The following ETV3 variants were observed in gnomAD, a reference collection of about 807,000 sequenced individuals.
ETV3 encodes ETS variant transcription factor 3.
In ETV3, 8 loss-of-function variants were observed where a neutral mutation model predicts 33.0. That is an observed-to-expected ratio of 0.24 (90% CI 0.14 to 0.44). ETV3 has a LOEUF of 0.44. ETV3 is among the 20% of genes least tolerant of loss of function. The probability of loss-of-function intolerance (pLI) is 1.00; values close to 1 mark genes in which losing one functional copy is unlikely to be tolerated. For synonymous variants in ETV3, 222 were observed against 238.9 expected (o/e 0.93, Z 0.65); for missense variants, 473 against 652.3 (o/e 0.73, Z 2.99).
intron 2 of ETV3, 74 bp downstream of exon 2, chr1:157,136,233 G>C (rs1021808965): frequency 3.6e-6 from 5 of 1,396,188 alleles, no homozygotes; most frequent in Non-Finnish European, 5.1e-6. Context: ...TTTGTGAACA[G>C]AGCTCAAGTG....
chr1:157,130,926 G>A (rs1258352033), intron 4 of ETV3, among the ~76,000 whole-genome samples: 1 of 152,182 alleles, frequency 6.6e-6, no homozygotes, highest in Non-Finnish European at 1.5e-5. Flanking sequence ...TTATGGAGGA[G>A]AATGTCCTTG....
intron 4 of ETV3, 176 bp downstream of exon 4, chr1:157,133,936 C>T: frequency 7.0e-7 from 1 of 1,437,830 alleles, no homozygotes; most frequent in South Asian, 1.5e-5. Context: ...TACTGAATAG[C>T]CTATAACTCT....
intron 4 of ETV3, chr1:157,133,546 G>A: frequency 1.0e-6 from 1 of 986,186 alleles, no homozygotes; most frequent in Non-Finnish European, 1.2e-6. Flanking sequence ...AAGCCCTACT[G>A]CACTTAACAG....
chr1:157,132,413 T>C (rs552628871), intron 4 of ETV3, among the ~76,000 whole-genome samples: 1 of 152,304 alleles, frequency 6.6e-6, no homozygotes, highest in African/African-American at 2.4e-5. Context: ...CCACATTACT[T>C]CCCAGGGCTT....
chr1:157,128,588 T>G (rs1159799574), intron 4 of ETV3: 3 of 236,130 alleles, frequency 1.3e-5, no homozygotes, highest in Non-Finnish European at 2.6e-5. Context: ...AAGTACATCC[T>G]TGGAACAAAA....
At chr1:157,135,307 G>A (rs1390238093) in intron 3 of ETV3, 164 bp downstream of exon 3, 1 of 802,092 alleles carries the variant, frequency 1.2e-6, no homozygotes, top group Non-Finnish European at 2.0e-6. Flanking sequence ...CTGTGCCTAT[G>A]CTACTCACAT....
chr1:157,137,434 G>A (rs1052994355), intron 1 of ETV3, among the ~76,000 whole-genome samples: 1 of 151,746 alleles, frequency 6.6e-6, no homozygotes, highest in East Asian at 1.9e-4. Flanking sequence ...AAGGAGACCA[G>A]CAAGTGTCAG....
rs183796584 is a variant in ETV3, at chr1:157,125,614, C to T, written c.766G>A (p.Gly256Arg). 2.1e-4 allele frequency: 325 copies of T among 1,551,724 alleles called. No homozygotes were observed. Among genetic ancestry groups the T allele is most frequent in the Non-Finnish European group, 2.6e-4 (298 of 1,147,006 alleles). ...PFAVSPIPGR[G>R]GVLNVPISPA... is the part of the protein sequence containing the mutation. ...GAAATGGGGACATTAAGGACACCTC[C>T]GCGGCCAGGGATTGGAGAGACAGCG... Residue 256 changes from glycine to arginine, a missense_variant, in exon 5 of 5, where the codon GGA becomes AGA. This residue lies in a region of ETV3 where 410 missense variants were observed against 520.2 expected (regional missense o/e 0.79). Transcript: ENST00000368192. The surrounding 1 kb of genome is among the most constrained non-coding windows in gnomAD (Gnocchi z 4.0).
In ETV3 at chr1:157,125,329, C is replaced by T. The variant is rs1571695617; in HGVS notation, c.1051G>A (p.Val351Ile). 2.6e-6 allele frequency: 4 copies of T among 1,551,960 alleles called. No homozygotes were observed. Among genetic ancestry groups the T allele is most frequent in the South Asian group, 1.2e-5 (1 of 84,058 alleles). ...ACCCTCTCCCGGTTCTTCCGCCCAA[C>T]TGGTGGGGGCTGCAGCTTGATGGAG... ...QFSIKLQPPP[V>I]GRKNRERVES... Residue 351 changes from valine to isoleucine, a missense_variant, in exon 5 of 5, where the codon GTT becomes ATT. Val to Ile is a conservative substitution (Grantham distance 29, BLOSUM62 3). Around this residue, in one of 3 missense-constraint regions of ETV3, gnomAD observed 410 missense variants for 520.2 expected, o/e 0.79. Coordinates refer to ENST00000368192, the MANE Select transcript of ETV3 (RefSeq NM_001145312.3). The surrounding 1 kb of genome is among the most constrained non-coding windows in gnomAD (Gnocchi z 4.0).
Position 157,125,736 on chromosome 1 carries a change from A to T in ETV3, c.644T>A (p.Ile215Asn). ...CTGATGGCCAATCCCTCCTCCACCA[A>T]TGGCATTCCTGGAGGACACGGGATC... Reference protein sequence around the residue: ...GVDPVSSRNAIGGGGIGHQKR... With the variant: ...GVDPVSSRNANGGGGIGHQKR... The change falls in exon 5 of 5, where the codon ATT becomes AAT. Residue 215 changes from isoleucine (I) to asparagine (N), a missense_variant. Ile to Asn is a moderately radical substitution (Grantham distance 149, BLOSUM62 -3). Coordinates refer to ENST00000368192, the MANE Select transcript of ETV3 (RefSeq NM_001145312.3). This position sits in a 1 kb window ranked among gnomAD's most constrained non-coding sequence, Gnocchi z 4.0. The T allele has an allele frequency of 6.4e-7, 1 of 1,551,426 alleles. No individual in the cohort carries two copies. Among genetic ancestry groups the T allele is most frequent in the Non-Finnish European group, 8.7e-7 (1 of 1,146,904 alleles).
chr1:157,133,588 T>C (rs760001918), intron 4 of ETV3: 165 of 986,642 alleles, frequency 1.7e-4, no homozygotes, highest in Non-Finnish European at 1.9e-4. Flanking sequence ...AGAATCTTTT[T>C]CTCTGAGGAT....
Position 157,125,809 on chromosome 1 carries a change from G to A in ETV3, c.571C>T (p.Leu191Phe), listed in dbSNP as rs1558029321. ...GCTGAGCCATCCTCCAGCTCTGAAA[G>A]CTCAGTCTTTCTATCAGTACCATTA... ...SSNGTDRKTELSELEDGSAAD... is the reference protein window; with the variant it reads ...SSNGTDRKTEFSELEDGSAAD... Residue 191 changes from leucine (L) to phenylalanine (F), a missense_variant, in exon 5 of 5, where the codon CTT becomes TTT. This residue lies in a region of ETV3 where 410 missense variants were observed against 520.2 expected (regional missense o/e 0.79). Coordinates refer to ENST00000368192, the MANE Select transcript of ETV3 (RefSeq NM_001145312.3). The surrounding 1 kb of genome is among the most constrained non-coding windows in gnomAD (Gnocchi z 4.0). 6.4e-7 allele frequency: 1 copy of A among 1,551,718 alleles called. No homozygotes were observed. Among genetic ancestry groups the A allele is most frequent in the Non-Finnish European group, 8.7e-7 (1 of 1,147,002 alleles).
intron 4 of ETV3, among the ~76,000 whole-genome samples, chr1:157,131,239 C>T (rs1026289484): frequency 4.6e-5 from 7 of 152,176 alleles, no homozygotes; most frequent in African/African-American, 1.7e-4. Flanking sequence ...CCCATCCTGA[C>T]AGTATCTTCT....
chr1:157,134,085 T>A (rs1261800081), intron 4 of ETV3, 27 bp downstream of exon 4: 1 of 1,596,896 alleles, frequency 6.3e-7, no homozygotes, highest in East Asian at 2.2e-5. Context: ...CAAAATTAAT[T>A]CCCTACCAAA....
At chr1:157,130,130 C>CTG (rs1479294146) in intron 4 of ETV3, among the ~76,000 whole-genome samples, 1 of 152,166 alleles carries the variant, frequency 6.6e-6, no homozygotes, top group Non-Finnish European at 1.5e-5. Context: ...GCGTGAGCCA[C>CTG]TGTGCCGGCC....
At chr1:157,138,135 G>C (rs1675168423) in intron 1 of ETV3, among the ~76,000 whole-genome samples, 181 bp downstream of exon 1, 1 of 152,168 alleles carries the variant, frequency 6.6e-6, no homozygotes, top group Admixed American at 6.5e-5. Context: ...CGCTGCCCTG[G>C]GTCCCTGTCG....
chr1:157,126,363 G>A (rs1296176777), intron 4 of ETV3, among the ~76,000 whole-genome samples: 1 of 152,154 alleles, frequency 6.6e-6, no homozygotes. Context: ...ATGGGTACAA[G>A]AGCCTTCTCC....
intron 1 of ETV3, among the ~76,000 whole-genome samples, chr1:157,137,509 AAC>A (rs10567825): frequency 0.09 from 12,958 of 144,702 alleles, 574 homozygotes; most frequent in African/African-American, 0.1. Context: ...GACAAGGAAA[AAC>A]ACACACACAC....
chr1:157,129,569 C>T (rs765446585), intron 4 of ETV3, among the ~76,000 whole-genome samples: 3 of 152,160 alleles, frequency 2.0e-5, no homozygotes, highest in Non-Finnish European at 4.4e-5. Flanking sequence ...AATAAAGCCA[C>T]TGATTTAATT....
Sources: allele counts gnomAD v4.1 joint callset (sites outside exome capture counted in the v4.1 genomes callset), GRCh38; gene constraint gnomAD v4.1.1; regional missense constraint gnomAD v4.1.1; non-coding constraint Gnocchi (gnomAD v3.1); transcripts MANE v1.5; gene names NCBI Gene and HGNC (gene_info 2026-07-23, HGNC 2026-07-21).